MYO10: variants seen among roughly 807,000 people sequenced by gnomAD.
MYO10 encodes the protein unconventional myosin-X.
In MYO10, 133 loss-of-function variants were observed where a neutral mutation model predicts 257.3. The ratio of observed to expected loss-of-function variants is 0.52; its 90% CI spans 0.45 to 0.60. The LOEUF (loss-of-function observed/expected upper bound fraction) is 0.60. Among genes scored for constraint, MYO10 ranks in the 20% least tolerant of loss-of-function variants. MYO10 has a pLI of 0.00. For synonymous variants in MYO10, 1,104 were observed against 1,028.6 expected (o/e 1.07, Z -1.40); for missense variants, 2,399 against 2,635.7 (o/e 0.91, Z 1.97).
At chr5:16,926,502 G>C (rs908538512) in intron 1 of MYO10, among the ~76,000 whole-genome samples, 1 of 152,244 alleles carries the variant, frequency 6.6e-6, no homozygotes, top group South Asian at 2.1e-4. Flanking sequence ...ACAAGCTTCA[G>C]ATCAGCCTGG....
chr5:16,833,312 C>G (rs986369910), intron 2 of MYO10, among the ~76,000 whole-genome samples: 4 of 151,654 alleles, frequency 2.6e-5, no homozygotes, highest in Non-Finnish European at 5.9e-5. Flanking sequence ...CTCCCAGGCT[C>G]AAATGATTCT....
chr5:16,682,726 AAG>A (rs1212358532), intron 30 of MYO10, among the ~76,000 whole-genome samples: 3 of 152,308 alleles, frequency 2.0e-5, no homozygotes, highest in African/African-American at 4.8e-5. Context: ...ATTTAAGAAA[AAG>A]AGTAACTGGA....
chr5:16,675,272 C>T (rs1736672935), intron 34 of MYO10, 122 bp from the exon 35 acceptor site: 4 of 922,396 alleles, frequency 4.3e-6, no homozygotes, highest in East Asian at 2.6e-5. Flanking sequence ...GCCCACCACA[C>T]TCCCTATACA....
chr5:16,811,175 G>A (rs1166629091), intron 3 of MYO10, among the ~76,000 whole-genome samples: 2 of 151,682 alleles, frequency 1.3e-5, no homozygotes, highest in Non-Finnish European at 2.9e-5. Flanking sequence ...GGGGGGGGAT[G>A]TTCTGGCACC....
chr5:16,693,105 A>C (rs1392102025), intron 27 of MYO10, among the ~76,000 whole-genome samples: 2 of 152,154 alleles, frequency 1.3e-5, no homozygotes, highest in East Asian at 3.9e-4. Flanking sequence ...CGTCTCTACC[A>C]ATAATACAAA....
intron 2 of MYO10, among the ~76,000 whole-genome samples, chr5:16,839,737 T>C (rs1293947829): frequency 6.6e-6 from 1 of 152,020 alleles, no homozygotes; most frequent in Non-Finnish European, 1.5e-5. Context: ...TGAAACTCTG[T>C]CTCAAAAAAA....
At chr5:16,772,048 CTTAA>C (rs915792493) in intron 9 of MYO10, among the ~76,000 whole-genome samples, 13 of 151,668 alleles carry the variant, frequency 8.6e-5, no homozygotes, top group Non-Finnish European at 1.8e-4. Context: ...ACAGAGTTAC[CTTAA>C]TTAACACTTT....
chr5:16,823,467 G>GGGGGGGGGGTTGTTTTTT (rs1561003861), intron 2 of MYO10, among the ~76,000 whole-genome samples: 1 of 3,978 alleles, frequency 2.5e-4, no homozygotes, highest in Non-Finnish European at 5.8e-4. Context: ...GGGGAGTGGG[G>GGGGGGGGGGTTGTTTTTT]ATTTTTTTTT....
At chr5:16,868,680 T>A (rs1218281469) in intron 2 of MYO10, among the ~76,000 whole-genome samples, 1 of 152,186 alleles carries the variant, frequency 6.6e-6, no homozygotes, top group African/African-American at 2.4e-5. Context: ...GATTTCTAAC[T>A]TGCAGGATAT....
At chr5:16,876,782 G>T (rs13436389) in intron 2 of MYO10, among the ~76,000 whole-genome samples, 14,781 of 152,132 alleles carry the variant, frequency 0.097, 1,104 homozygotes, top group African/African-American at 0.2. Flanking sequence ...CTTGAACTAA[G>T]GACCTCAAGT....
In MYO10 at chr5:16,877,693, C is replaced by G; in HGVS notation, c.36G>C (p.Trp12Cys). The change falls in exon 2 of 41, where the codon TGG becomes TGC. Residue 12 changes from tryptophan to cysteine, a missense_variant. Physicochemically the swap from Trp to Cys is radical, Grantham distance 215. This residue lies in a region of MYO10 where 242 missense variants were observed against 249.5 expected (regional missense o/e 0.97). Transcript: ENST00000513610. ...GAAAATGCTGGCCATTTTCTCTCAG[C>G]CAGACCCGTGTTCCCTGTAAACAAA... ...DNFFTEGTRV[W>C]LRENGQHFPS... 1.9e-6 allele frequency: 3 copies of G among 1,613,212 alleles called. No individual in the cohort carries two copies. Among genetic ancestry groups the G allele is most frequent in the Non-Finnish European group, 2.5e-6 (3 of 1,179,570 alleles).
chr5:16,755,025 A>T, intron 18 of MYO10, 117 bp from the exon 19 acceptor site: 1 of 538,026 alleles, frequency 1.9e-6, no homozygotes, highest in Non-Finnish European at 3.1e-6. Flanking sequence ...CATAGGACTA[A>T]TAACTTAGAG....
Position 16,877,599 on chromosome 5 carries a change from T to C in MYO10, c.120+10A>G. The C allele has an allele frequency of 3.7e-6, 6 of 1,605,764 alleles. No individual in the cohort carries two copies. Among genetic ancestry groups the C allele is most frequent in the Non-Finnish European group, 4.3e-6 (5 of 1,172,818 alleles). On this transcript the variant is annotated intron_variant, in intron 2 of 40. Transcript: ENST00000513610. ...ATGGATGTTGGGAAGCTGCAGGGAC[T>C]TGTTCTCACCTGACCATAGTCTGTC...
At chr5:16,715,464 C>T (rs981271338) in intron 19 of MYO10, among the ~76,000 whole-genome samples, 1 of 124,458 alleles carries the variant, frequency 8.0e-6, no homozygotes, top group Non-Finnish European at 1.6e-5. Context: ...CCACACCTGG[C>T]TAATTTTGTA....
At chr5:16,728,354 C>T (rs1311930336) in intron 19 of MYO10, among the ~76,000 whole-genome samples, 1 of 152,136 alleles carries the variant, frequency 6.6e-6, no homozygotes, top group Non-Finnish European at 1.5e-5. Context: ...CTTCAGGCCA[C>T]ACACCAGCTT....
chr5:16,771,111 GA>G (rs1741035598), intron 9 of MYO10, among the ~76,000 whole-genome samples: 1 of 152,148 alleles, frequency 6.6e-6, no homozygotes, highest in Non-Finnish European at 1.5e-5. Context: ...TGGCAGGAAA[GA>G]AAAGGCAAAC....
chr5:16,812,390 C>G (rs1485933448), intron 3 of MYO10, among the ~76,000 whole-genome samples: 1 of 152,184 alleles, frequency 6.6e-6, no homozygotes, highest in Non-Finnish European at 1.5e-5. Context: ...AAACTCGGTA[C>G]GGCCTCTGTC....
intron 2 of MYO10, among the ~76,000 whole-genome samples, chr5:16,849,745 T>C (rs924228118): frequency 3.3e-5 from 5 of 152,206 alleles, no homozygotes; most frequent in Non-Finnish European, 5.9e-5. Context: ...ATACTTGAAC[T>C]AGTAAACTTA....
chr5:16,805,890 T>C (rs73055131), intron 3 of MYO10, among the ~76,000 whole-genome samples: 3,568 of 152,298 alleles, frequency 0.023, 133 homozygotes, highest in African/African-American at 0.081. Flanking sequence ...CTCTTCAATC[T>C]AAAATCTACC....
Sources: allele counts gnomAD v4.1 joint callset (sites outside exome capture counted in the v4.1 genomes callset), GRCh38; gene constraint gnomAD v4.1.1; regional missense constraint gnomAD v4.1.1; transcripts MANE v1.5; gene names NCBI Gene and HGNC (gene_info 2026-07-23, HGNC 2026-07-21).